TMEM272: variants seen among roughly 807,000 people sequenced by gnomAD.
TMEM272 encodes long intergenic non-protein coding RNA 282.
TMEM272 carries 8 observed loss-of-function variants against 3.7 expected under a neutral mutation model. The ratio of observed to expected loss-of-function variants is 2.17; its 90% confidence interval spans 1.27 to 3.91. The LOEUF is 3.91. Among genes scored for constraint, TMEM272 ranks in the 30% most tolerant of loss-of-function variants. TMEM272 has a pLI of 0.00. For synonymous variants in TMEM272, 63 were observed against 39.8 expected, an observed-to-expected ratio of 1.58 and a Z score of -2.20; for missense variants, 166 against 91.5, an observed-to-expected ratio of 1.81 and a Z score of -3.32.
At chr13:51,842,369 T>C (rs1214921285) in intron 1 of TMEM272, among the ~76,000 whole-genome samples, 1 of 152,234 alleles carries the variant, frequency 6.6e-6, no homozygotes, top group Non-Finnish European at 1.5e-5. Context: ...GAAAAGTAGT[T>C]TGCTTTCCAA....
the TMEM272 span, among the ~76,000 whole-genome samples, chr13:51,919,487 G>T: frequency 6.6e-6 from 1 of 152,030 alleles, no homozygotes; most frequent in African/African-American, 2.4e-5. Flanking sequence ...GACCATGTTT[G>T]TACTTTGACC....
chr13:51,823,609 G>C (rs1484659423), intron 3 of TMEM272, among the ~76,000 whole-genome samples: 1 of 152,226 alleles, frequency 6.6e-6, no homozygotes, highest in Admixed American at 6.5e-5. Flanking sequence ...GTTAATTTGT[G>C]GCTGTAGCAC....
the TMEM272 span, among the ~76,000 whole-genome samples, chr13:51,916,586 C>G: frequency 1.3e-5 from 2 of 152,184 alleles, no homozygotes; most frequent in Non-Finnish European, 1.5e-5. Flanking sequence ...TTTGGCCCTT[C>G]CAGCCATCCG....
At chr13:51,847,422 G>A (rs1171554610), upstream of TMEM272, among the ~76,000 whole-genome samples, 3 of 152,128 alleles carry the variant, frequency 2.0e-5, no homozygotes, top group East Asian at 1.9e-4. Flanking sequence ...GAGGTTGAAC[G>A]GTTTCATGCC....
chr13:51,905,897 C>CT, the TMEM272 span, among the ~76,000 whole-genome samples: 1 of 152,296 alleles, frequency 6.6e-6, no homozygotes, highest in African/African-American at 2.4e-5. Flanking sequence ...AAGGCTTCAC[C>CT]TGTGGCTCTG....
chr13:51,889,635 T>TGGG, the TMEM272 span, among the ~76,000 whole-genome samples: 2 of 142,260 alleles, frequency 1.4e-5, no homozygotes, highest in Admixed American at 6.9e-5. Flanking sequence ...TGTGTGTGTG[T>TGGG]GGGGGGGTTT....
At chr13:51,820,611 G>C (rs1445351801) in intron 4 of TMEM272, among the ~76,000 whole-genome samples, 2 of 152,234 alleles carry the variant, frequency 1.3e-5, no homozygotes, top group African/African-American at 2.4e-5. Flanking sequence ...ACGGACAGTA[G>C]CATCTCTAAA....
the TMEM272 span, among the ~76,000 whole-genome samples, chr13:51,905,665 G>A: frequency 3.3e-5 from 5 of 152,206 alleles, no homozygotes; most frequent in East Asian, 1.9e-4. Flanking sequence ...CTGTAAAAAT[G>A]GTAGAATAAG....
intron 1 of TMEM272, among the ~76,000 whole-genome samples, chr13:51,840,285 G>A (rs933725762): frequency 2.0e-5 from 3 of 152,168 alleles, no homozygotes; most frequent in Admixed American, 6.5e-5. Flanking sequence ...GATTAAGCAA[G>A]GAGGTCACGG....
the TMEM272 span, among the ~76,000 whole-genome samples, chr13:51,877,661 C>CA: frequency 6.6e-6 from 1 of 152,180 alleles, no homozygotes; most frequent in Non-Finnish European, 1.5e-5. Flanking sequence ...CCAGAGCTTT[C>CA]AGCATTTTTC....
the TMEM272 span, among the ~76,000 whole-genome samples, chr13:51,925,811 C>T: frequency 6.6e-6 from 1 of 152,164 alleles, no homozygotes; most frequent in African/African-American, 2.4e-5. Context: ...ACCCTTCCTC[C>T]CCAAAGCTGA....
the TMEM272 span, among the ~76,000 whole-genome samples, chr13:51,876,320 GGTCT>G: frequency 3.3e-5 from 5 of 152,128 alleles, no homozygotes; most frequent in African/African-American, 9.7e-5. Context: ...GGCCCCTGGT[GGTCT>G]GTCTATTAAA....
At chr13:51,823,865 C>A (rs1213074173) in intron 3 of TMEM272, among the ~76,000 whole-genome samples, 2 of 152,194 alleles carry the variant, frequency 1.3e-5, no homozygotes, top group African/African-American at 4.8e-5. Context: ...GGGCCCAAAA[C>A]AGAGTTTAGT....
the TMEM272 span, among the ~76,000 whole-genome samples, chr13:51,916,183 A>C: frequency 1.3e-5 from 2 of 152,212 alleles, no homozygotes; most frequent in Admixed American, 6.5e-5. Context: ...AATATTAATA[A>C]CTAACTTTGC....
chr13:51,910,565 T>C, the TMEM272 span: 2 of 684,238 alleles, frequency 2.9e-6, no homozygotes, highest in African/African-American at 1.7e-5. Context: ...TAACCCTGGG[T>C]AGCAACTGCA....
chr13:51,865,925 T>TCCCTCTGGGAGGAAGAGAATG, the TMEM272 span: 7 of 1,613,658 alleles, frequency 4.3e-6, no homozygotes, highest in South Asian at 2.2e-5. Flanking sequence ...AGATAAAACG[T>TCCCTCTGGGAGGAAGAGAATG]CCCTCTGGGA....
At chr13:51,863,668 CACAG>C in the TMEM272 span, among the ~76,000 whole-genome samples, 2 of 78,058 alleles carry the variant, frequency 2.6e-5, no homozygotes, top group African/African-American at 9.4e-5. Flanking sequence ...TGCACGCGCA[CACAG>C]ACACACACAC....
At chr13:51,900,660 A>G in the TMEM272 span, among the ~76,000 whole-genome samples, 1 of 152,210 alleles carries the variant, frequency 6.6e-6, no homozygotes, top group African/African-American at 2.4e-5. Flanking sequence ...TTGTATGCAA[A>G]TGTTCATGTC....
the TMEM272 span, among the ~76,000 whole-genome samples, chr13:51,897,362 A>ATT: frequency 0.2 from 16,106 of 80,366 alleles, 3,705 homozygotes; most frequent in Non-Finnish European, 0.29. Flanking sequence ...TGTCTGGCTA[A>ATT]TTTTTTTTTT....
Sources: gnomAD v4.1 joint callset for allele counts (sites outside exome capture counted in the v4.1 genomes callset) on GRCh38, gnomAD v4.1.1 for gene constraint, MANE v1.5 for transcripts, NCBI Gene and HGNC (gene_info 2026-07-23, HGNC 2026-07-21) for gene names.